RBFOX1: variants seen among roughly 807,000 people sequenced by gnomAD.
RBFOX1 encodes the protein RNA binding protein fox-1 homolog 1.
Under a neutral mutation model 57.7 loss-of-function variants are expected in RBFOX1, and 8 were observed. That is an observed-to-expected ratio of 0.14 (90% confidence interval 0.08 to 0.25). The LOEUF is 0.25. Ranked by LOEUF, RBFOX1 falls within the 10% of genes least tolerant of loss-of-function variation. The pLI is 1.00. For synonymous variants in RBFOX1, 326 were observed against 222.4 expected (o/e 1.47, Z -4.15); for missense variants, 611 against 548.5 (o/e 1.11, Z -1.14).
chr16:7,129,124 G>C (rs751317832), intron 4 of RBFOX1, among the ~76,000 whole-genome samples: 1 of 152,030 alleles, frequency 6.6e-6, no homozygotes. Flanking sequence ...CAGTCATAAA[G>C]GTAATTAAAC....
At chr16:7,318,213 G>C (rs983793065) in intron 4 of RBFOX1, among the ~76,000 whole-genome samples, 3 of 152,024 alleles carry the variant, frequency 2.0e-5, no homozygotes, top group South Asian at 4.2e-4. Flanking sequence ...AGTGGTGTTG[G>C]TGGTGATGGC....
chr16:6,581,962 G>C (rs1336070049), intron 2 of RBFOX1, among the ~76,000 whole-genome samples: 1 of 152,166 alleles, frequency 6.6e-6, no homozygotes, highest in African/African-American at 2.4e-5. Context: ...CTTCCCAAAG[G>C]ATATTGATAA....
At chr16:6,247,588 A>G (rs918713088) in intron 1 of RBFOX1, among the ~76,000 whole-genome samples, 6 of 152,328 alleles carry the variant, frequency 3.9e-5, no homozygotes, top group Non-Finnish European at 7.3e-5. Context: ...TGCAAGAATT[A>G]CTTTATTTTA....
intron 3 of RBFOX1, among the ~76,000 whole-genome samples, chr16:5,605,947 C>T (rs538221962): frequency 2.6e-5 from 4 of 152,244 alleles, no homozygotes; most frequent in South Asian, 2.1e-4. Flanking sequence ...GCTGGCCCAC[C>T]TTTCCCATTG....
intron 1 of RBFOX1, among the ~76,000 whole-genome samples, chr16:6,052,541 T>C (rs573649369): frequency 2.0e-5 from 3 of 151,998 alleles, no homozygotes; most frequent in Non-Finnish European, 4.4e-5. Flanking sequence ...TCCCAGCACT[T>C]TGGGAGGCCG....
intron 3 of RBFOX1, among the ~76,000 whole-genome samples, chr16:6,841,530 C>G (rs937749116): frequency 1.3e-4 from 20 of 152,124 alleles, no homozygotes; most frequent in Admixed American, 1.2e-3. Context: ...ACAACCTAAC[C>G]TCACGCTAAT....
chr16:6,944,901 C>T (rs1198505344), intron 3 of RBFOX1, among the ~76,000 whole-genome samples: 2 of 152,136 alleles, frequency 1.3e-5, no homozygotes, highest in East Asian at 1.9e-4. Context: ...TATGAATTTG[C>T]AGCTCTTAGC....
intron 3 of RBFOX1, among the ~76,000 whole-genome samples, chr16:6,814,787 C>T (rs1302353094): frequency 1.3e-5 from 2 of 152,044 alleles, no homozygotes; most frequent in African/African-American, 2.4e-5. Flanking sequence ...TGGATAGAAG[C>T]AGCACATCAA....
intron 4 of RBFOX1, among the ~76,000 whole-genome samples, chr16:5,967,273 A>G (rs1367401630): frequency 6.6e-6 from 1 of 152,190 alleles, no homozygotes; most frequent in East Asian, 1.9e-4. Flanking sequence ...GCATATATCA[A>G]TCTATGAATA....
At chr16:7,124,441 T>C (rs968673492) in intron 4 of RBFOX1, among the ~76,000 whole-genome samples, 4 of 151,954 alleles carry the variant, frequency 2.6e-5, no homozygotes, top group East Asian at 3.9e-4. Flanking sequence ...TGATACAGTA[T>C]CTGTAATTTG....
intron 4 of RBFOX1, among the ~76,000 whole-genome samples, chr16:7,138,409 G>A (rs2072652225): frequency 6.6e-6 from 1 of 152,198 alleles, no homozygotes; most frequent in East Asian, 1.9e-4. Context: ...AACTTTCTGG[G>A]ACAAGATTTC....
intron 2 of RBFOX1, among the ~76,000 whole-genome samples, chr16:6,520,464 C>T (rs2096476954): frequency 6.6e-6 from 1 of 152,126 alleles, no homozygotes; most frequent in Non-Finnish European, 1.5e-5. Flanking sequence ...CCTCATTTAA[C>T]ACATAGTCTC....
chr16:5,516,998 G>GTT (rs5815251), intron 2 of RBFOX1, among the ~76,000 whole-genome samples: 3 of 140,056 alleles, frequency 2.1e-5, no homozygotes, highest in East Asian at 2.1e-4. Flanking sequence ...CTTTCTTCCT[G>GTT]TTTTTTTTTT....
At chr16:7,188,774 C>G (rs2084570726) in intron 4 of RBFOX1, among the ~76,000 whole-genome samples, 2 of 152,078 alleles carry the variant, frequency 1.3e-5, no homozygotes, top group African/African-American at 2.4e-5. Context: ...AGTAAGACCG[C>G]AAGAGCTGGT....
At chr16:7,179,798 G>A (rs2152513462) in intron 4 of RBFOX1, among the ~76,000 whole-genome samples, 1 of 152,050 alleles carries the variant, frequency 6.6e-6, no homozygotes, top group South Asian at 2.1e-4. Context: ...GCAGTGGCAT[G>A]ATCTCGGCTC....
chr16:6,799,685 G>C (rs1262163373), intron 3 of RBFOX1, among the ~76,000 whole-genome samples: 2 of 152,156 alleles, frequency 1.3e-5, no homozygotes, highest in South Asian at 2.1e-4. Flanking sequence ...GGATGAGCTA[G>C]TTTGCTGAGT....
At chr16:5,680,802 T>C (rs1312370209) in intron 3 of RBFOX1, among the ~76,000 whole-genome samples, 1 of 152,092 alleles carries the variant, frequency 6.6e-6, no homozygotes, top group Non-Finnish European at 1.5e-5. Context: ...AAATACTTGC[T>C]GAGAACCTCT....
At chr16:6,844,635 T>A (rs1488206928) in intron 3 of RBFOX1, among the ~76,000 whole-genome samples, 1 of 152,194 alleles carries the variant, frequency 6.6e-6, no homozygotes, top group Admixed American at 6.5e-5. Context: ...TGAATAGTGC[T>A]GCAATTAACT....
chr16:5,321,925 C>T (rs2064420970), intron 1 of RBFOX1, among the ~76,000 whole-genome samples: 1 of 152,122 alleles, frequency 6.6e-6, no homozygotes, highest in Non-Finnish European at 1.5e-5. Context: ...ACTGATTGCT[C>T]ATTGCTCTCT....
Sources: gnomAD v4.1 joint callset for allele counts (sites outside exome capture counted in the v4.1 genomes callset) on GRCh38, gnomAD v4.1.1 for gene constraint, MANE v1.5 for transcripts, NCBI Gene and HGNC (gene_info 2026-07-23, HGNC 2026-07-21) for gene names.